DNAH6: variants seen among roughly 807,000 people sequenced by gnomAD.
DNAH6 encodes the protein dynein axonemal heavy chain 6.
In DNAH6, 340 loss-of-function variants were observed where a neutral mutation model predicts 491.4. The ratio of observed to expected loss-of-function variants is 0.69; its 90% CI spans 0.63 to 0.76. The LOEUF (loss-of-function observed/expected upper bound fraction) is 0.76. DNAH6 is among the 30% of genes least tolerant of loss of function. The pLI is 0.00. For missense variants in DNAH6, 4,443 were observed against 4,972.2 expected, an observed-to-expected ratio of 0.89 and a Z score of 3.20; for synonymous variants, 1,603 against 1,686.1, an observed-to-expected ratio of 0.95 and a Z score of 1.21.
intron 41 of DNAH6, among the ~76,000 whole-genome samples, chr2:84,680,556 G>A (rs1693683782): frequency 6.6e-6 from 1 of 151,950 alleles, no homozygotes; most frequent in African/African-American, 2.4e-5. Flanking sequence ...ACAGGAAGAG[G>A]GGAGCAGCAG....
chr2:84,497,522 A>G, the DNAH6 span, among the ~76,000 whole-genome samples: 1 of 152,192 alleles, frequency 6.6e-6, no homozygotes, highest in Non-Finnish European at 1.5e-5. Flanking sequence ...CTGGCAATTT[A>G]CTGACTGTGT....
At position 84,688,352 on chromosome 2, in the gene DNAH6, C is replaced by T. The variant is rs1356464529; in HGVS notation, c.7138-87C>T. On this transcript the variant is annotated intron_variant, in intron 44 of 76. Coordinates refer to ENST00000389394, the MANE Select transcript of DNAH6 (RefSeq NM_001370.2). ...AAAGACCTTCAAAATTCCAGTGTAG[C>T]TCTTGAAGAAGTTAAATGAAATGGA... 4.4e-6 allele frequency: 5 copies of T among 1,128,890 alleles called. No homozygotes were observed. In the East Asian group the frequency reaches 1.2e-4, roughly 28 times the overall value. 69.9% of individuals were successfully genotyped at this position (1,128,890 alleles called of 1,614,324 possible).
In DNAH6 at chr2:84,658,451, A is replaced by G. The variant is rs1396669416; in HGVS notation, c.5917A>G (p.Lys1973Glu). ...CTTATTGGAGTCCTTGATACTTGGGAAAGATGGAGTTAACTTGGCAATGGT... is the reference window on the plus strand; with the variant it reads ...CTTATTGGAGTCCTTGATACTTGGGGAAGATGGAGTTAACTTGGCAATGGT... The part of the protein sequence containing the change: ...CCLLESLILG[K>E]DGVNLAMEQT... Residue 1973 changes from lysine (K) to glutamate (E), a missense_variant, in exon 36 of 77, where the codon AAA becomes GAA. Lys to Glu is a moderately conservative substitution (Grantham distance 56). Coordinates refer to ENST00000389394, the MANE Select transcript of DNAH6 (RefSeq NM_001370.2). The G allele has an allele frequency of 1.3e-6, 2 of 1,519,094 alleles. No homozygotes were observed. Among genetic ancestry groups the G allele is most frequent in the East Asian group, 5.0e-5 (2 of 39,722 alleles). 94.1% of individuals were successfully genotyped at this position (1,519,094 alleles called of 1,614,324 possible). A position where few individuals can be genotyped will look rare whatever the true frequency, so the allele number is the denominator to read the frequency against.
chr2:84,818,377 G>A (rs906508745), intron 76 of DNAH6, among the ~76,000 whole-genome samples: 9 of 149,876 alleles, frequency 6.0e-5, no homozygotes, highest in South Asian at 2.1e-4. Context: ...AGTCCCAGCC[G>A]CTTGGGAGAC....
intron 4 of DNAH6, among the ~76,000 whole-genome samples, chr2:84,533,846 G>C (rs1677415105): frequency 6.6e-6 from 1 of 152,122 alleles, no homozygotes; most frequent in Admixed American, 6.6e-5. Context: ...TGGATCCATA[G>C]ATTGTCTAGA....
chr2:84,742,908 T>C (rs1573669319), intron 62 of DNAH6, among the ~76,000 whole-genome samples: 1 of 152,182 alleles, frequency 6.6e-6, no homozygotes, highest in African/African-American at 2.4e-5. Context: ...TCCTAATAGA[T>C]TTATTGGATT....
chr2:84,664,371 A>G (rs1312879873), intron 37 of DNAH6, among the ~76,000 whole-genome samples: 13 of 152,186 alleles, frequency 8.5e-5, no homozygotes, highest in Non-Finnish European at 1.5e-4. Flanking sequence ...GTGCAAAGAC[A>G]CACATAGGCT....
At chr2:84,602,482 C>CTTTTTT (rs3029846) in intron 18 of DNAH6, among the ~76,000 whole-genome samples, 5 of 32,026 alleles carry the variant, frequency 1.6e-4, no homozygotes, top group African/African-American at 7.0e-4. Flanking sequence ...TGTTGTGTCC[C>CTTTTTT]TTTTTTTTTT....
At chr2:84,565,232 C>A (rs1047881370) in intron 11 of DNAH6, among the ~76,000 whole-genome samples, 1 of 151,872 alleles carries the variant, frequency 6.6e-6, no homozygotes, top group Non-Finnish European at 1.5e-5. Context: ...ATGAAGGAAA[C>A]CTTCCTCTTT....
chr2:84,816,572 A>C (rs1363362822), intron 76 of DNAH6, among the ~76,000 whole-genome samples: 1 of 152,176 alleles, frequency 6.6e-6, no homozygotes, highest in Middle Eastern at 3.2e-3. Flanking sequence ...AAATACAAAA[A>C]ATTAGCCAGG....
At chr2:84,579,055 C>T (rs1385625788) in intron 13 of DNAH6, among the ~76,000 whole-genome samples, 1 of 152,264 alleles carries the variant, frequency 6.6e-6, no homozygotes, top group Admixed American at 6.5e-5. Flanking sequence ...TATAAATTAC[C>T]CAGTCTCGGG....
intron 69 of DNAH6, among the ~76,000 whole-genome samples, chr2:84,797,221 C>T (rs1678440080): frequency 6.6e-6 from 1 of 152,184 alleles, no homozygotes; most frequent in Non-Finnish European, 1.5e-5. Context: ...TAATGAGTTA[C>T]ACCTTTCAAC....
At chr2:84,524,787 T>G (rs1676460487) in intron 2 of DNAH6, among the ~76,000 whole-genome samples, 1 of 152,132 alleles carries the variant, frequency 6.6e-6, no homozygotes, top group Admixed American at 6.6e-5. Context: ...CAGACATTTT[T>G]TCTTCTTGTT....
intron 63 of DNAH6, among the ~76,000 whole-genome samples, chr2:84,759,546 A>G (rs572957493): frequency 6.6e-5 from 10 of 152,202 alleles, no homozygotes; most frequent in East Asian, 3.9e-4. Flanking sequence ...ATACCTAGGA[A>G]TATATTTAAC....
chr2:84,771,755 T>A (rs1675643293), intron 64 of DNAH6, among the ~76,000 whole-genome samples: 1 of 152,056 alleles, frequency 6.6e-6, no homozygotes, highest in Non-Finnish European at 1.5e-5. Context: ...GAAGAAAAAT[T>A]TAAGATATTC....
intron 35 of DNAH6, 52 bp downstream of exon 35, chr2:84,654,834 G>T: frequency 6.5e-7 from 1 of 1,537,142 alleles, no homozygotes. Flanking sequence ...GACTCATGTT[G>T]CCTTCTAGTG....
chr2:84,671,259 G>A (rs542572476), intron 39 of DNAH6, among the ~76,000 whole-genome samples: 7 of 152,306 alleles, frequency 4.6e-5, no homozygotes, highest in African/African-American at 1.7e-4. Flanking sequence ...TCAGGAGTGG[G>A]CTCTTGTAAG....
At position 84,645,265 on chromosome 2, in the gene DNAH6, C is replaced by G. The variant is rs555750990; in HGVS notation, c.5078+3211C>G. 1.1e-4 allele frequency among the ~76,000 whole-genome samples: 17 copies of G among 152,166 alleles called. No individual in the cohort carries two copies. The South Asian group carries it at 3.5e-3, about 32-fold the overall frequency. On this transcript the variant is annotated intron_variant, in intron 33 of 76. Coordinates refer to ENST00000389394, the MANE Select transcript of DNAH6 (RefSeq NM_001370.2). ...TGAAACCCTGTCTGTACTAAAAATACAAAATTAGCTGGGCATGGTGGCACA... is the reference window on the plus strand; with the variant it reads ...TGAAACCCTGTCTGTACTAAAAATAGAAAATTAGCTGGGCATGGTGGCACA...
chr2:84,786,105 T>A (rs1192315), intron 67 of DNAH6, among the ~76,000 whole-genome samples: 12,659 of 103,522 alleles, frequency 0.12, 514 homozygotes, highest in African/African-American at 0.15. Context: ...AAAGAAAGAA[T>A]GAATGAATGA....
Sources: gnomAD v4.1 joint callset for allele counts (sites outside exome capture counted in the v4.1 genomes callset) on GRCh38, gnomAD v4.1.1 for gene constraint, MANE v1.5 for transcripts, NCBI Gene and HGNC (gene_info 2026-07-23, HGNC 2026-07-21) for gene names.